TBC1D32: variants seen among roughly 807,000 people sequenced by gnomAD.
TBC1D32 encodes the protein protein broad-minded.
In TBC1D32, 151 loss-of-function variants were observed where a neutral mutation model predicts 170.3. The ratio of observed to expected loss-of-function variants is 0.89; its 90% confidence interval spans 0.78 to 1.01. TBC1D32 has a LOEUF of 1.01. TBC1D32 is among the 50% of genes least tolerant of loss of function. The pLI, the probability that TBC1D32 is intolerant of heterozygous loss-of-function variation, is 0.00. For missense variants in TBC1D32, 1,464 were observed against 1,457.1 expected (o/e 1.00, Z -0.08); for synonymous variants, 498 against 488.0 (o/e 1.02, Z -0.27).
chr6:121,276,482 C>A (rs1335598643), intron 15 of TBC1D32, among the ~76,000 whole-genome samples: 1 of 151,674 alleles, frequency 6.6e-6, no homozygotes, highest in Non-Finnish European at 1.5e-5. Context: ...ATAGAACGCT[C>A]AATCAAAGCC....
At chr6:121,132,714 T>C (rs1426007968) in intron 24 of TBC1D32, among the ~76,000 whole-genome samples, 1 of 151,994 alleles carries the variant, frequency 6.6e-6, no homozygotes, top group Non-Finnish European at 1.5e-5. Flanking sequence ...AGAAAGTATT[T>C]ATGGCTAAAA....
At chr6:121,317,838 C>A (rs915537400) in intron 2 of TBC1D32, 166 bp from the exon 3 acceptor site, 1 of 486,034 alleles carries the variant, frequency 2.1e-6, no homozygotes, top group South Asian at 4.2e-5. Context: ...AGTGGTAGAA[C>A]AGAATTCACA....
intron 17 of TBC1D32, among the ~76,000 whole-genome samples, chr6:121,253,593 C>A (rs1417604329): frequency 6.6e-6 from 1 of 152,090 alleles, no homozygotes; most frequent in African/African-American, 2.4e-5. Flanking sequence ...GTGGTGGGCG[C>A]CTGTAGTCCC....
At chr6:121,083,753 T>C (rs1775896904) in intron 31 of TBC1D32, among the ~76,000 whole-genome samples, 1 of 152,142 alleles carries the variant, frequency 6.6e-6, no homozygotes, top group African/African-American at 2.4e-5. Flanking sequence ...TGTTAGTTAC[T>C]AGATGTATGA....
chr6:121,299,642 G>A (rs1806167378), intron 9 of TBC1D32, 137 bp from the exon 10 acceptor site: 2 of 779,966 alleles, frequency 2.6e-6, no homozygotes, highest in African/African-American at 3.5e-5. Context: ...TGACAGACAG[G>A]TGTTTATGTG....
chr6:121,323,806 G>A (rs1429657817), intron 1 of TBC1D32, among the ~76,000 whole-genome samples: 1 of 152,166 alleles, frequency 6.6e-6, no homozygotes, highest in Non-Finnish European at 1.5e-5. Flanking sequence ...TGGGCGTGGT[G>A]GCATGTGGCT....
intron 21 of TBC1D32, among the ~76,000 whole-genome samples, chr6:121,208,165 T>C (rs1792538126): frequency 2.6e-5 from 4 of 151,920 alleles, no homozygotes; most frequent in Admixed American, 2.0e-4. Flanking sequence ...AATGTCACCC[T>C]ATTCAGAAAA....
chr6:121,121,739 T>C (rs1037504744), intron 26 of TBC1D32, among the ~76,000 whole-genome samples: 2 of 152,002 alleles, frequency 1.3e-5, no homozygotes, highest in African/African-American at 4.8e-5. Flanking sequence ...TTTCCTTTAT[T>C]TGACAAACAT....
chr6:121,229,905 C>T (rs1795524909), intron 20 of TBC1D32, among the ~76,000 whole-genome samples: 1 of 151,938 alleles, frequency 6.6e-6, no homozygotes, highest in African/African-American at 2.4e-5. Flanking sequence ...AGTGAGTTCT[C>T]CTGAGATCTC....
chr6:121,260,990 C>A (rs1214401605), intron 15 of TBC1D32, among the ~76,000 whole-genome samples: 1 of 152,148 alleles, frequency 6.6e-6, no homozygotes, highest in Non-Finnish European at 1.5e-5. Context: ...GAGGTATTCC[C>A]CACAGCGCAG....
intron 20 of TBC1D32, among the ~76,000 whole-genome samples, chr6:121,232,950 G>T (rs1215066733): frequency 1.3e-5 from 2 of 151,922 alleles, no homozygotes; most frequent in East Asian, 3.9e-4. Context: ...TTTCCATCTT[G>T]ATATCATTGT....
At chr6:121,132,439 T>C (rs1781538522) in intron 24 of TBC1D32, among the ~76,000 whole-genome samples, 1 of 151,996 alleles carries the variant, frequency 6.6e-6, no homozygotes, top group South Asian at 2.1e-4. Flanking sequence ...TTGCAAACCT[T>C]ATTAAAATGA....
chr6:121,243,763 C>A (rs1797273395), intron 17 of TBC1D32, among the ~76,000 whole-genome samples: 2 of 145,582 alleles, frequency 1.4e-5, no homozygotes, highest in African/African-American at 2.5e-5. Flanking sequence ...TAAAAGTCAA[C>A]AAAATAAAAT....
intron 9 of TBC1D32, among the ~76,000 whole-genome samples, 189 bp from the exon 10 acceptor site, chr6:121,299,694 G>A (rs1210528050): frequency 2.0e-5 from 3 of 152,010 alleles, no homozygotes; most frequent in Non-Finnish European, 2.9e-5. Context: ...AATGCAAATC[G>A]TATCAAAAAA....
intron 28 of TBC1D32, 56 bp downstream of exon 28, chr6:121,113,006 T>C: frequency 7.7e-7 from 1 of 1,293,698 alleles, no homozygotes; most frequent in Non-Finnish European, 1.1e-6. Context: ...CATCAAAGAA[T>C]CATGAAAAAT....
intron 12 of TBC1D32, among the ~76,000 whole-genome samples, chr6:121,287,580 A>C (rs2128456345): frequency 6.6e-6 from 1 of 152,274 alleles, no homozygotes; most frequent in Non-Finnish European, 1.5e-5. Flanking sequence ...CACTGTCAAC[A>C]TTAGATGGAT....
chr6:121,190,389 A>C (rs1789834221), intron 22 of TBC1D32, among the ~76,000 whole-genome samples: 1 of 113,536 alleles, frequency 8.8e-6, no homozygotes, highest in Non-Finnish European at 1.8e-5. Context: ...CTCTGCACAC[A>C]TACCCCTTCC....
At chr6:121,297,630 T>C (rs1230349590) in intron 10 of TBC1D32, among the ~76,000 whole-genome samples, 2 of 152,044 alleles carry the variant, frequency 1.3e-5, no homozygotes, top group Non-Finnish European at 2.9e-5. Flanking sequence ...GGGATATCTA[T>C]AAAAAACCAA....
intron 30 of TBC1D32, 81 bp downstream of exon 30, chr6:121,105,942 T>G: frequency 7.4e-7 from 1 of 1,347,148 alleles, no homozygotes; most frequent in Admixed American, 2.3e-5. Flanking sequence ...TAAAGGTATT[T>G]CCTTATTTGA....
Sources: allele counts gnomAD v4.1 joint callset (sites outside exome capture counted in the v4.1 genomes callset), GRCh38; gene constraint gnomAD v4.1.1; transcripts MANE v1.5; gene names NCBI Gene and HGNC (gene_info 2026-07-23, HGNC 2026-07-21).